LMLN: variants seen among roughly 807,000 people sequenced by gnomAD.
LMLN encodes the protein leishmanolysin like peptidase.
LMLN carries 70 observed loss-of-function variants against 92.3 expected under a neutral mutation model. That is an observed-to-expected ratio of 0.76 (90% CI 0.63 to 0.92). The LOEUF is 0.92. Among genes scored for constraint, LMLN ranks in the 40% least tolerant of loss-of-function variants. LMLN has a pLI of 0.00. For synonymous variants in LMLN, 308 were observed against 296.2 expected (o/e 1.04, Z -0.41); for missense variants, 691 against 814.6 (o/e 0.85, Z 1.85).
At position 198,031,239 on chromosome 3, in the gene LMLN, G is replaced by A. The variant is rs764756425; in HGVS notation, c.1657-4594G>A. Among the ~76,000 whole-genome samples, 2 of 152,152 alleles carry A rather than the reference G, an allele frequency of 1.3e-5. No individual in the cohort carries two copies. Among genetic ancestry groups the A allele is most frequent in the South Asian group, 2.1e-4 (1 of 4,834 alleles). On this transcript the variant is annotated intron_variant, in intron 14 of 15. Transcript: ENST00000330198. The surrounding 1 kb of genome is among the most constrained non-coding windows in gnomAD (Gnocchi z 4.8). ...AGTTACAGAAAAGTAAAATGTATGCGGAGGCTAAAGGAAGATAAGAATTAT... is the reference window on the plus strand; with the variant it reads ...AGTTACAGAAAAGTAAAATGTATGCAGAGGCTAAAGGAAGATAAGAATTAT...
At chr3:197,997,026 T>C (rs868761103) in intron 10 of LMLN, among the ~76,000 whole-genome samples, 2 of 144,950 alleles carry the variant, frequency 1.4e-5, no homozygotes, top group African/African-American at 5.7e-5. Context: ...CTTTCTTTTC[T>C]TTTCTTTTCT....
At chr3:198,000,573 G>A (rs1002836370) in intron 11 of LMLN, among the ~76,000 whole-genome samples, 4 of 152,202 alleles carry the variant, frequency 2.6e-5, no homozygotes, top group East Asian at 1.9e-4. Context: ...GACTACAGGC[G>A]TGCATCACCA....
At chr3:198,023,135 ATGTGCCAGGATTTGGCCTGAGG>A (rs1177387786) in intron 13 of LMLN, among the ~76,000 whole-genome samples, 3 of 152,118 alleles carry the variant, frequency 2.0e-5, no homozygotes, top group Non-Finnish European at 4.4e-5. Context: ...ACGTGAATGA[ATGTGCCAGGATTTGGCCTGAGG>A]GTTGCAGTTT....
At chr3:197,974,415 C>T (rs774110955) in exon 2 of LMLN, 2 of 1,598,032 alleles carry the variant, frequency 1.3e-6, no homozygotes, top group Non-Finnish European at 1.7e-6. Flanking sequence ...ATCATGTGGT[C>T]AAGAGAGATG....
chr3:197,969,709 A>G (rs1721169634), intron 1 of LMLN, among the ~76,000 whole-genome samples: 1 of 152,222 alleles, frequency 6.6e-6, no homozygotes, highest in Non-Finnish European at 1.5e-5. Flanking sequence ...TGACTACAAT[A>G]TATGTAGTGT....
intron 4 of LMLN, 192 bp from the exon 5 acceptor site, chr3:197,976,406 T>C: frequency 1.9e-6 from 1 of 528,178 alleles, no homozygotes; most frequent in East Asian, 3.0e-5. Flanking sequence ...TTATGAAGTA[T>C]TTGGGTGTTT....
chr3:197,976,261 A>T, intron 4 of LMLN, 150 bp downstream of exon 4: 1 of 532,892 alleles, frequency 1.9e-6, no homozygotes, highest in Non-Finnish European at 3.4e-6. Context: ...AAAAGAATAA[A>T]AAAGCACCTG....
At chr3:197,969,268 T>C (rs1341196238) in intron 1 of LMLN, among the ~76,000 whole-genome samples, 2 of 147,194 alleles carry the variant, frequency 1.4e-5, no homozygotes, top group Non-Finnish European at 3.0e-5. Context: ...TTGAGTTTAA[T>C]ATATATATAT....
intron 14 of LMLN, among the ~76,000 whole-genome samples, chr3:198,027,432 TG>T (rs1308443293): frequency 6.6e-6 from 1 of 152,192 alleles, no homozygotes; most frequent in Non-Finnish European, 1.5e-5. Flanking sequence ...TATAGTTAAG[TG>T]GCACTAAATA....
intron 13 of LMLN, among the ~76,000 whole-genome samples, chr3:198,024,398 A>G (rs1722867738): frequency 2.6e-5 from 4 of 151,822 alleles, no homozygotes. Context: ...TGTGTTTTTA[A>G]TAGAGACGGG....
chr3:198,022,745 A>G (rs953592052), intron 13 of LMLN, among the ~76,000 whole-genome samples: 7 of 152,194 alleles, frequency 4.6e-5, no homozygotes, highest in African/African-American at 1.2e-4. Context: ...GGTCCCAGCT[A>G]TGGAGGAGGA....
At chr3:198,003,045 G>A (rs1321463439) in intron 11 of LMLN, 4 of 1,551,278 alleles carry the variant, frequency 2.6e-6, no homozygotes, top group Non-Finnish European at 3.5e-6. Flanking sequence ...GCATGGCTGA[G>A]AAGTTAGACT....
At chr3:198,024,548 A>G (rs974286949) in intron 13 of LMLN, 110 bp from the exon 15 acceptor site, 55 of 1,035,678 alleles carry the variant, frequency 5.3e-5, no homozygotes, top group Non-Finnish European at 7.4e-5. Flanking sequence ...ATTTCCATGA[A>G]ACATGTCTGA....
chr3:197,983,563 T>C (rs1300728963), intron 6 of LMLN, among the ~76,000 whole-genome samples: 1 of 152,208 alleles, frequency 6.6e-6, no homozygotes, highest in African/African-American at 2.4e-5. Flanking sequence ...CCCCATTTGA[T>C]AACTGCTTTC....
chr3:198,040,364 G>A (rs968538186), exon 16 of LMLN: 1 of 152,180 alleles, frequency 6.6e-6, no homozygotes, highest in Non-Finnish European at 1.5e-5. Flanking sequence ...ACTGGTACTA[G>A]AGCTTACCAG....
At chr3:198,005,372 C>T (rs1274223264) in intron 11 of LMLN, among the ~76,000 whole-genome samples, 1 of 151,866 alleles carries the variant, frequency 6.6e-6, no homozygotes, top group African/African-American at 2.4e-5. Flanking sequence ...GCTTCCAGGA[C>T]CCCCCTGGAT....
At chr3:198,021,514 T>C (rs1722782381) in exon 13 of LMLN, 1 of 1,614,042 alleles carries the variant, frequency 6.2e-7, no homozygotes, top group Non-Finnish European at 8.5e-7. Flanking sequence ...TGGAAATTGC[T>C]GACTACTGCC....
At chr3:198,016,315 A>G (rs902240213) in intron 11 of LMLN, among the ~76,000 whole-genome samples, 7 of 152,216 alleles carry the variant, frequency 4.6e-5, no homozygotes, top group African/African-American at 1.2e-4. Flanking sequence ...TCTGAGTTGT[A>G]ACCCTAATGT....
At chr3:197,975,942 T>C (rs570653408) in intron 3 of LMLN, 87 bp from the exon 4 acceptor site, 2 of 780,026 alleles carry the variant, frequency 2.6e-6, no homozygotes, top group Admixed American at 6.0e-5. Context: ...AAGCTTTTTT[T>C]CATTACTATC....
Sources: allele counts gnomAD v4.1 joint callset (sites outside exome capture counted in the v4.1 genomes callset), GRCh38; gene constraint gnomAD v4.1.1; non-coding constraint Gnocchi (gnomAD v3.1); transcripts MANE v1.5; gene names NCBI Gene and HGNC (gene_info 2026-07-23, HGNC 2026-07-21).